The following CEP112 variants were observed in gnomAD, a reference collection of about 807,000 sequenced individuals.
The protein encoded by CEP112 is centrosomal protein 112.
A neutral mutation model predicts 153.0 loss-of-function variants in CEP112; 127 were observed. The observed-to-expected ratio is 0.83, with a 90% confidence interval of 0.72 to 0.96. The LOEUF (loss-of-function observed/expected upper bound fraction) is 0.96, where lower values mean the gene tolerates loss of function less well. CEP112 is among the 40% of genes least tolerant of loss of function. The pLI, the probability that CEP112 is intolerant of heterozygous loss-of-function variation, is 0.00. For synonymous variants in CEP112, 358 were observed against 374.4 expected (o/e 0.96, Z 0.51); for missense variants, 1,089 against 1,101.2 (o/e 0.99, Z 0.16).
chr17:66,165,676 T>A (rs1485922995), intron 4 of CEP112, among the ~76,000 whole-genome samples: 1 of 152,210 alleles, frequency 6.6e-6, no homozygotes, highest in Non-Finnish European at 1.5e-5. Flanking sequence ...GAAAAATGTT[T>A]GCTCACATAG....
chr17:65,740,782 CCTCT>C (rs2051085694), intron 23 of CEP112, among the ~76,000 whole-genome samples: 1 of 152,102 alleles, frequency 6.6e-6, no homozygotes, highest in South Asian at 2.1e-4. Flanking sequence ...AGTGGCTGTG[CCTCT>C]CTCTGAGTAT....
At chr17:66,143,539 A>G (rs900514562) in intron 4 of CEP112, among the ~76,000 whole-genome samples, 1 of 152,362 alleles carries the variant, frequency 6.6e-6, no homozygotes, top group Non-Finnish European at 1.5e-5. Flanking sequence ...TTCCTGGACC[A>G]AAACAGAGAA....
intron 16 of CEP112, among the ~76,000 whole-genome samples, chr17:66,016,057 G>T (rs2064759001): frequency 2.0e-5 from 3 of 152,010 alleles, no homozygotes; most frequent in Admixed American, 2.0e-4. Flanking sequence ...TTGTACTTTT[G>T]GTTTCCTTAC....
chr17:65,911,651 A>C (rs1283134157), intron 19 of CEP112, among the ~76,000 whole-genome samples: 2 of 152,186 alleles, frequency 1.3e-5, no homozygotes, highest in Non-Finnish European at 2.9e-5. Context: ...CAATGTATCA[A>C]GACCCTATCT....
intron 18 of CEP112, among the ~76,000 whole-genome samples, chr17:65,930,658 G>GT (rs1169414548): frequency 6.6e-6 from 1 of 152,194 alleles, no homozygotes; most frequent in African/African-American, 2.4e-5. Flanking sequence ...GCACACTTTG[G>GT]TTTTTTGTTT....
rs190143602 is a variant in CEP112 at position 66,069,606 on chromosome 17, G to C, written c.855+309C>G. Reference sequence around the variant, plus strand: ...ATTGATGTCTTATTTCAACTTTCATGAAAGGTAATGACAGAATGCAGATAA... The same window carrying C: ...ATTGATGTCTTATTTCAACTTTCATCAAAGGTAATGACAGAATGCAGATAA... On this transcript the variant is annotated intron_variant, in intron 9 of 26. Coordinates refer to ENST00000535342, the MANE Select transcript of CEP112 (RefSeq NM_001199165.4). Among the ~76,000 whole-genome samples, 7 of 152,190 alleles carry C rather than the reference G, an allele frequency of 4.6e-5. No individual in the cohort carries two copies. The East Asian group carries it at 1.4e-3, about 29-fold the overall frequency.
chr17:66,173,573 G>A (rs952299855), intron 4 of CEP112, among the ~76,000 whole-genome samples: 1 of 152,114 alleles, frequency 6.6e-6, no homozygotes, highest in African/African-American at 2.4e-5. Context: ...AAGAAACCCA[G>A]AATTTAGCTG....
chr17:65,758,155 T>A (rs1035794539), intron 21 of CEP112, among the ~76,000 whole-genome samples: 1 of 152,176 alleles, frequency 6.6e-6, no homozygotes, highest in Non-Finnish European at 1.5e-5. Context: ...TTTCCTTTCT[T>A]CTGCTACTTC....
At chr17:65,980,500 C>T (rs2063189313) in intron 17 of CEP112, among the ~76,000 whole-genome samples, 1 of 152,156 alleles carries the variant, frequency 6.6e-6, no homozygotes, top group South Asian at 2.1e-4. Flanking sequence ...CATGCTTGGA[C>T]ATTAATATGG....
At chr17:65,841,939 C>G (rs139993661) in intron 21 of CEP112, among the ~76,000 whole-genome samples, 102 of 151,740 alleles carry the variant, frequency 6.7e-4, no homozygotes, top group African/African-American at 2.5e-3. Flanking sequence ...ACTTAGGGCA[C>G]AAATATCTGC....
intron 19 of CEP112, among the ~76,000 whole-genome samples, chr17:65,910,920 A>T (rs558452312): frequency 1.0e-3 from 153 of 152,316 alleles, no homozygotes; most frequent in African/African-American, 3.6e-3. Context: ...TGAAACAAAA[A>T]AACACTTGGG....
intron 17 of CEP112, among the ~76,000 whole-genome samples, chr17:65,996,275 A>C (rs2063788512): frequency 6.6e-6 from 1 of 152,088 alleles, no homozygotes; most frequent in South Asian, 2.1e-4. Flanking sequence ...ACTAAAGCCC[A>C]AAAACCCCCC....
chr17:66,180,732 A>G lies in CEP112; in HGVS notation c.106+2462T>C, dbSNP rs942267424. Among the ~76,000 whole-genome samples the G allele has an allele frequency of 4.6e-5, 7 of 152,268 alleles. No homozygotes were observed. The East Asian group carries it at 1.3e-3, about 29-fold the overall frequency. Reference sequence around the variant, plus strand: ...GATTGTTTTAGGTCTCAGGAAAACTATTCTGGTATTAATTTTTTATCAGTC... The same window carrying G: ...GATTGTTTTAGGTCTCAGGAAAACTGTTCTGGTATTAATTTTTTATCAGTC... On this transcript the variant is annotated intron_variant, in intron 2 of 26. Coordinates refer to ENST00000535342, the MANE Select transcript of CEP112 (RefSeq NM_001199165.4).
chr17:65,965,216 T>C (rs1240498652), intron 17 of CEP112, among the ~76,000 whole-genome samples: 4 of 152,244 alleles, frequency 2.6e-5, no homozygotes, highest in Admixed American at 1.3e-4. Flanking sequence ...TCATAAACTT[T>C]AGCTATCCGT....
chr17:65,970,362 T>TTACATGCACACATCATGCATGTAA (rs2062646381), intron 17 of CEP112, among the ~76,000 whole-genome samples: 3 of 134,956 alleles, frequency 2.2e-5, no homozygotes, highest in African/African-American at 8.3e-5. Flanking sequence ...TATGTGCCTA[T>TTACATGCACACATCATGCATGTAA]ATTACATGCA....
rs180911243 is a variant in CEP112, at chr17:66,014,073, G to A, written c.1657-8304C>T. ...GCTGGCAGCAATGGCGCAGTGGGAT[G>A]CACGCACATCACTGCACCAGCATGG... On this transcript the variant is annotated intron_variant, in intron 16 of 26. Transcript: ENST00000535342. 3.9e-5 allele frequency among the ~76,000 whole-genome samples: 6 copies of A among 152,352 alleles called. No individual in the cohort carries two copies. The East Asian group carries it at 1.2e-3, about 29-fold the overall frequency.
At chr17:65,643,316 G>C (rs1032437022) in intron 24 of CEP112, among the ~76,000 whole-genome samples, 4 of 151,422 alleles carry the variant, frequency 2.6e-5, no homozygotes, top group African/African-American at 4.9e-5. Flanking sequence ...TTTTTCTTTT[G>C]AGATGGCATT....
At chr17:65,970,280 T>C (rs568502329) in intron 17 of CEP112, among the ~76,000 whole-genome samples, 2 of 151,330 alleles carry the variant, frequency 1.3e-5, no homozygotes, top group East Asian at 2.0e-4. Context: ...TGCATGTATG[T>C]AGCATGGATG....
intron 21 of CEP112, among the ~76,000 whole-genome samples, chr17:65,805,060 G>C (rs2145855320): frequency 6.6e-6 from 1 of 152,056 alleles, no homozygotes; most frequent in Non-Finnish European, 1.5e-5. Flanking sequence ...TGTTGACCAG[G>C]CTGGTCTCAG....
Sources: gnomAD v4.1 joint callset for allele counts (sites outside exome capture counted in the v4.1 genomes callset) on GRCh38, gnomAD v4.1.1 for gene constraint, MANE v1.5 for transcripts, NCBI Gene and HGNC (gene_info 2026-07-23, HGNC 2026-07-21) for gene names.